LY6S: variants seen among roughly 807,000 people sequenced by gnomAD.
LY6S encodes the protein lymphocyte antigen 6S.
the LY6S span, among the ~76,000 whole-genome samples, chr8:143,070,405 TA>T: frequency 6.3e-5 from 8 of 126,086 alleles, no homozygotes; most frequent in African/African-American, 2.8e-4. Flanking sequence ...ATATATTTTT[TA>T]TTTATGTATA....
At chr8:143,070,474 TAAATATATATATA>T in the LY6S span, among the ~76,000 whole-genome samples, 16 of 49,774 alleles carry the variant, frequency 3.2e-4, no homozygotes, top group African/African-American at 1.2e-3. Context: ...AATATATATA[TAAATATATATATA>T]TATTTTTTTT....
chr8:143,065,799 C>CTTTCTTTCTTTT, the LY6S span: 1 of 143,992 alleles, frequency 6.9e-6, no homozygotes, highest in East Asian at 2.0e-4. Context: ...TTCTTTCTTT[C>CTTTCTTTCTTTT]TTTCTTTCTT....
At chr8:143,049,846 C>T in the LY6S span, among the ~76,000 whole-genome samples, 1 of 152,334 alleles carries the variant, frequency 6.6e-6, no homozygotes, top group South Asian at 2.1e-4. Context: ...ACCATTATGA[C>T]ACATGTCCCA....
the LY6S span, chr8:143,042,378 A>C: frequency 2.0e-5 from 3 of 152,648 alleles, no homozygotes; most frequent in Non-Finnish European, 4.4e-5. Context: ...GTGACCATCC[A>C]GAGGCTCTCT....
At chr8:143,057,650 T>G in the LY6S span, 1 of 999,720 alleles carries the variant, frequency 1.0e-6, no homozygotes, top group Non-Finnish European at 1.6e-6. Context: ...AGGGTTGAAT[T>G]CAATGTTGAA....
chr8:143,044,523 C>T, the LY6S span: 1 of 362,900 alleles, frequency 2.8e-6, no homozygotes, highest in Non-Finnish European at 5.4e-6. Flanking sequence ...CAGGTCCTGC[C>T]CGCCATGCCC....
chr8:143,074,825 T>C, the LY6S span, among the ~76,000 whole-genome samples: 1 of 152,124 alleles, frequency 6.6e-6, no homozygotes, highest in Non-Finnish European at 1.5e-5. Flanking sequence ...AACATCAGTC[T>C]CTCCCCGCAG....
chr8:143,069,731 A>T, the LY6S span, among the ~76,000 whole-genome samples: 1 of 152,126 alleles, frequency 6.6e-6, no homozygotes, highest in African/African-American at 2.4e-5. Flanking sequence ...GAATCCAGCT[A>T]CTTCCTTTCA....
At chr8:143,060,197 G>A in the LY6S span, among the ~76,000 whole-genome samples, 1 of 151,018 alleles carries the variant, frequency 6.6e-6, no homozygotes, top group South Asian at 2.1e-4. Flanking sequence ...CCAGTGCCTG[G>A]AAGGCACCTG....
chr8:143,044,805 G>A, the LY6S span: 1 of 1,366,526 alleles, frequency 7.3e-7, no homozygotes, highest in Non-Finnish European at 9.8e-7. Context: ...CCTGAGCTGG[G>A]AGAGAGGGCA....
At chr8:143,044,721 A>T in the LY6S span, 1 of 1,367,588 alleles carries the variant, frequency 7.3e-7, no homozygotes, top group Non-Finnish European at 9.8e-7. Context: ...CACAGACCCC[A>T]TCCAGGAAGG....
At chr8:143,065,750 CTT>C in the LY6S span, among the ~76,000 whole-genome samples, 24,967 of 149,278 alleles carry the variant, frequency 0.17, 2,855 homozygotes, top group African/African-American at 0.29. Context: ...CTTTCTCTTT[CTT>C]TCTTTCTTTC....
the LY6S span, among the ~76,000 whole-genome samples, chr8:143,046,209 A>G: frequency 7.9e-5 from 12 of 152,282 alleles, no homozygotes; most frequent in Non-Finnish European, 1.3e-4. Context: ...TCACATCTGT[A>G]ATCTCATCAC....
At chr8:143,063,930 A>C in the LY6S span, among the ~76,000 whole-genome samples, 2 of 152,176 alleles carry the variant, frequency 1.3e-5, no homozygotes, top group Non-Finnish European at 1.5e-5. Context: ...CTGCCCTTAC[A>C]CAAGGAGCCA....
At chr8:143,070,521 C>G in the LY6S span, among the ~76,000 whole-genome samples, 4 of 130,576 alleles carry the variant, frequency 3.1e-5, no homozygotes, top group South Asian at 9.7e-4. Context: ...GATTCTCGCC[C>G]TGTCGCCCAG....
chr8:143,061,261 TAA>T, the LY6S span, among the ~76,000 whole-genome samples: 4 of 142,114 alleles, frequency 2.8e-5, no homozygotes, highest in South Asian at 2.3e-4. Flanking sequence ...CCCTGTCTCT[TAA>T]AAAAAAAAAA....
chr8:143,070,421 T>TATATATA, the LY6S span, among the ~76,000 whole-genome samples: 11 of 106,514 alleles, frequency 1.0e-4, 2 homozygotes, highest in African/African-American at 4.9e-4. Flanking sequence ...TGTATATATA[T>TATATATA]TTATATATAT....
At chr8:143,062,831 T>G in the LY6S span, among the ~76,000 whole-genome samples, 2 of 152,184 alleles carry the variant, frequency 1.3e-5, no homozygotes, top group African/African-American at 4.8e-5. Context: ...ATGATGATGA[T>G]GATGTCAAAA....
the LY6S span, among the ~76,000 whole-genome samples, chr8:143,073,925 G>T: frequency 4.8e-5 from 7 of 145,338 alleles, no homozygotes; most frequent in Non-Finnish European, 9.0e-5. Flanking sequence ...CCCTGTTTGA[G>T]GAGACAGCCG....
Sources: allele counts gnomAD v4.1 joint callset (sites outside exome capture counted in the v4.1 genomes callset), GRCh38; gene constraint gnomAD v4.1.1; transcripts MANE v1.5; gene names NCBI Gene and HGNC (gene_info 2026-07-23, HGNC 2026-07-21).